The following CACNA1G variants were observed in gnomAD, a reference collection of about 807,000 sequenced individuals.
CACNA1G encodes calcium voltage-gated channel subunit alpha1 G.
CACNA1G carries 67 observed loss-of-function variants against 219.4 expected under a neutral mutation model. The observed-to-expected ratio is 0.31, with a 90% confidence interval of 0.25 to 0.37. The LOEUF (loss-of-function observed/expected upper bound fraction) is 0.37. CACNA1G is among the 10% of genes least tolerant of loss of function. The pLI is 1.00. For synonymous variants in CACNA1G, 1,296 were observed against 1,345.3 expected (o/e 0.96, Z 0.80); for missense variants, 2,380 against 3,231.4 (o/e 0.74, Z 6.39).
At chr17:50,613,278 A>G (rs1332854908) in intron 26 of CACNA1G, among the ~76,000 whole-genome samples, 4 of 152,134 alleles carry the variant, frequency 2.6e-5, no homozygotes, top group African/African-American at 7.2e-5. Flanking sequence ...TACTCTTTGG[A>G]CCTGTGCTCT....
chr17:50,607,049 C>G, intron 24 of CACNA1G, 60 bp downstream of exon 24: 1 of 1,318,496 alleles, frequency 7.6e-7, no homozygotes, highest in South Asian at 1.2e-5. Context: ...TGGGCTGATT[C>G]CAGGACAGAA....
chr17:50,607,904 C>A lies in CACNA1G; in HGVS notation c.4590C>A (p.Asn1530Lys). 1 of 1,614,034 alleles carries A rather than the reference C, an allele frequency of 6.2e-7. No homozygotes were observed. Among genetic ancestry groups the A allele is most frequent in the Non-Finnish European group, 8.5e-7 (1 of 1,179,892 alleles). The change falls in exon 25 of 38, where the codon AAC becomes AAA. Residue 1530 changes from asparagine (N) to lysine (K), a missense_variant. This residue lies in a region of CACNA1G where 153 missense variants were observed against 374.9 expected (regional missense o/e 0.41). Transcript: ENST00000359106. ...TCATTGTGGCCTTCTTTGTCCTGAACATGTTTGTGGGTGTGGTGGTGGAGA... is the reference window on the plus strand; with the variant it reads ...TCATTGTGGCCTTCTTTGTCCTGAAAATGTTTGTGGGTGTGGTGGTGGAGA... ...FLLIVAFFVL[N>K]MFVGVVVENF...
At chr17:50,606,076 C>G in intron 23 of CACNA1G, 53 bp downstream of exon 23, 1 of 1,612,506 alleles carries the variant, frequency 6.2e-7, no homozygotes, top group Non-Finnish European at 8.5e-7. Context: ...GGAGGGGGCA[C>G]AGGGCCATGC....
At chr17:50,597,035 G>C in intron 16 of CACNA1G, 112 bp downstream of exon 16, 1 of 1,025,854 alleles carries the variant, frequency 9.7e-7, no homozygotes, top group East Asian at 2.6e-5. Context: ...CCATGGGCTG[G>C]ATGGGGCCTG....
chr17:50,588,582 C>T (rs1263020683), intron 9 of CACNA1G, among the ~76,000 whole-genome samples: 4 of 152,178 alleles, frequency 2.6e-5, no homozygotes, highest in East Asian at 1.9e-4. Flanking sequence ...GTGCTCACGC[C>T]GGAGACACTA....
In CACNA1G at chr17:50,607,001, G is replaced by A. The variant is rs758933568; in HGVS notation, c.4512+12G>A. 6.2e-7 allele frequency: 1 copy of A among 1,605,314 alleles called. No individual in the cohort carries two copies. Among genetic ancestry groups the A allele is most frequent in the Non-Finnish European group, 8.5e-7 (1 of 1,172,004 alleles). On this transcript the variant is annotated intron_variant, in intron 24 of 37. Transcript: ENST00000359106. ...GCGTGGACCAGCAGGTAGGGCTGAG[G>A]TGGGCAGGATCCATCTGTGGGCTCA... is the stretch of plus-strand genomic sequence containing the variant.
rs780890478 is a variant in CACNA1G, at chr17:50,596,908, C to A, written c.3243C>A (p.His1081Gln). 8.1e-5 allele frequency: 126 copies of A among 1,563,858 alleles called. No individual in the cohort carries two copies. The highest frequency in any genetic ancestry group is 1.1e-4 in the Non-Finnish European group (123 of 1,154,300). ...SSGSAEPGAAHEMKSPPSARS... is the reference protein window; with the variant it reads ...SSGSAEPGAAQEMKSPPSARS... The stretch of plus-strand genomic sequence containing the variant: ...GGTCGGCAGAGCCTGGGGCGGCCCA[C>A]GAGATGAAGTCACCGGTAGGGGGTG... The change falls in exon 16 of 38, where the codon CAC (histidine) becomes CAA (glutamine). Residue 1081 changes from histidine (H) to glutamine (Q), a missense_variant. By Grantham distance (24) the His-to-Gln change is conservative. Coordinates refer to ENST00000359106, the MANE Select transcript of CACNA1G (RefSeq NM_018896.5). This position sits in a 1 kb window ranked among gnomAD's most constrained non-coding sequence, Gnocchi z 4.8.
Position 50,616,395 on chromosome 17 carries a change from A to G in CACNA1G, c.5021+11A>G. The G allele has an allele frequency of 6.5e-7, 1 of 1,548,384 alleles. No individual in the cohort carries two copies. Among genetic ancestry groups the G allele is most frequent in the Non-Finnish European group, 8.9e-7 (1 of 1,121,120 alleles). ...GTTCTTCCAGGACAGGTAACGGAGA[A>G]AAGGGGGGTCTTGGGGACTTGCGTA... On this transcript the variant is annotated intron_variant, in intron 28 of 37. Transcript: ENST00000359106.
At chr17:50,587,205 A>G (rs1297625204) in intron 9 of CACNA1G, among the ~76,000 whole-genome samples, 1 of 152,042 alleles carries the variant, frequency 6.6e-6, no homozygotes, top group African/African-American at 2.4e-5. Flanking sequence ...ATGTAGAGGG[A>G]GGCACAACGG....
chr17:50,610,123 G>A (rs1461724464), intron 26 of CACNA1G, among the ~76,000 whole-genome samples, 188 bp downstream of exon 26: 2 of 152,216 alleles, frequency 1.3e-5, no homozygotes, highest in Non-Finnish European at 2.9e-5. Flanking sequence ...GGAGGCGAGG[G>A]CCTGAGGCCT....
At chr17:50,625,035 C>G (rs1391781717) in intron 37 of CACNA1G, among the ~76,000 whole-genome samples, 1 of 149,466 alleles carries the variant, frequency 6.7e-6, no homozygotes, top group East Asian at 2.0e-4. Context: ...TCCCCGCAAC[C>G]TCCGCCTCCT....
chr17:50,604,520 G>T (rs994656516), intron 22 of CACNA1G, among the ~76,000 whole-genome samples: 4 of 152,260 alleles, frequency 2.6e-5, no homozygotes, highest in Non-Finnish European at 4.4e-5. Context: ...GGCCATGGGA[G>T]CCGCAGGCTG....
intron 9 of CACNA1G, among the ~76,000 whole-genome samples, chr17:50,580,619 C>T (rs995777485): frequency 1.3e-5 from 2 of 152,150 alleles, no homozygotes; most frequent in African/African-American, 4.8e-5. Flanking sequence ...GGTGCCTGCA[C>T]CTTCTTCTTG....
At position 50,596,848 on chromosome 17, in the gene CACNA1G, G is replaced by A. The variant is rs564151660; in HGVS notation, c.3183G>A (p.Ala1061=). 4.4e-6 allele frequency: 7 copies of A among 1,603,084 alleles called. 1 individual carries two copies. The South Asian group carries it at 4.5e-5, about 10-fold the overall frequency. ...GCACCAGCACGGGCCTGGGCGAGGC[G>A]CTGGGCCCTGCGTCGCGCCGCACCA... ...PKSTSTGLGE[A]LGPASRRTSS... Residue 1061 remains alanine, a synonymous_variant, in exon 16 of 38, where the codon GCG becomes GCA. Coordinates refer to ENST00000359106, the MANE Select transcript of CACNA1G (RefSeq NM_018896.5). This position sits in a 1 kb window ranked among gnomAD's most constrained non-coding sequence, Gnocchi z 4.8.
chr17:50,590,383 C>T, intron 9 of CACNA1G, 88 bp from the exon 10 acceptor site: 2 of 1,439,980 alleles, frequency 1.4e-6, no homozygotes, highest in South Asian at 2.3e-5. Context: ...ATTCCTGCTC[C>T]TCCTCTCCCT....
At position 50,609,205 on chromosome 17, in the gene CACNA1G, G is replaced by C. The variant is rs547509574; in HGVS notation, c.4706-677G>C. 6.6e-5 allele frequency among the ~76,000 whole-genome samples: 10 copies of C among 152,268 alleles called. No individual in the cohort carries two copies. The South Asian group carries it at 1.7e-3, about 25-fold the overall frequency. ...GCCTGGGAGTGGCACTCTGAGGCGG[G>C]GGGAGAGTGTGGGAGTTGCAGACGA... On this transcript the variant is annotated intron_variant, in intron 25 of 37. Coordinates refer to ENST00000359106, the MANE Select transcript of CACNA1G (RefSeq NM_018896.5).
chr17:50,602,709 C>T (rs9900842), intron 19 of CACNA1G, 111 bp from the exon 20 acceptor site: 7 of 865,914 alleles, frequency 8.1e-6, no homozygotes, highest in South Asian at 5.8e-5. Context: ...GGGTGGGGGT[C>T]GTTTTCTGAG....
intron 9 of CACNA1G, among the ~76,000 whole-genome samples, chr17:50,581,250 G>A (rs1471276326): frequency 1.3e-5 from 2 of 151,766 alleles, no homozygotes; most frequent in Non-Finnish European, 1.5e-5. Flanking sequence ...GACAGAGACC[G>A]AGTCCCAGAT....
chr17:50,584,625 C>T (rs984518056), intron 9 of CACNA1G, among the ~76,000 whole-genome samples: 7 of 72,750 alleles, frequency 9.6e-5, no homozygotes, highest in African/African-American at 2.1e-4. Flanking sequence ...GACAGGGGGG[C>T]GGCGGGGGAG....
Sources: gnomAD v4.1 joint callset for allele counts (sites outside exome capture counted in the v4.1 genomes callset) on GRCh38, gnomAD v4.1.1 for gene constraint, gnomAD v4.1.1 regional missense constraint, Gnocchi (gnomAD v3.1) non-coding constraint, MANE v1.5 for transcripts, NCBI Gene and HGNC (gene_info 2026-07-23, HGNC 2026-07-21) for gene names.